Variants in ITGAM observed in about 807,000 individuals in gnomAD.
ITGAM encodes the protein integrin subunit alpha M, also known as integrin alpha-M.
A neutral mutation model predicts 137.5 loss-of-function variants in ITGAM; 79 were observed. The ratio of observed to expected loss-of-function variants is 0.57; its 90% CI spans 0.48 to 0.69. The LOEUF (loss-of-function observed/expected upper bound fraction) is 0.69. Among genes scored for constraint, ITGAM ranks in the 30% least tolerant of loss-of-function variants. ITGAM has a pLI of 0.00. For missense variants in ITGAM, 1,343 were observed against 1,483.5 expected (o/e 0.91, Z 1.56); for synonymous variants, 583 against 592.3 (o/e 0.98, Z 0.23).
rs776139284 is a variant in ITGAM, at chr16:31,330,158, C to T, written c.3054C>T (p.Pro1018=). Residue 1018 remains proline, a synonymous_variant, in exon 26 of 30, where the codon CCC becomes CCT. Coordinates refer to ENST00000544665, the MANE Select transcript of ITGAM (RefSeq NM_000632.4). ...TTCTGGCTGAGCTTCGGAAGGCCCC[C>T]GTGGTGGTGAGAAGCTAAGTCAGCC... ...SDFLAELRKA[P]VVNCSIAVCQ... is the part of the protein sequence containing the mutation. The T allele has an allele frequency of 1.9e-6, 3 of 1,613,046 alleles. No homozygotes were observed. Among genetic ancestry groups the T allele is most frequent in the African/African-American group, 1.3e-5 (1 of 75,032 alleles).
At position 31,330,123 on chromosome 16, in the gene ITGAM, C is replaced by G. The variant is rs1177198290; in HGVS notation, c.3019C>G (p.His1007Asp). 1 of 1,613,742 alleles carries G rather than the reference C, an allele frequency of 6.2e-7. No homozygotes were observed. Among genetic ancestry groups the G allele is most frequent in the African/African-American group, 1.3e-5 (1 of 74,920 alleles). ...TCHTKERLPSHSDFLAELRKA... is the reference protein window; with the variant it reads ...TCHTKERLPSDSDFLAELRKA... ...CCACACCAAGGAGCGCTTGCCCTCT[C>G]ACTCCGACTTTCTGGCTGAGCTTCG... Residue 1007 changes from histidine (H) to aspartate (D), a missense_variant, in exon 26 of 30, where the codon CAC becomes GAC. Coordinates refer to ENST00000544665, the MANE Select transcript of ITGAM (RefSeq NM_000632.4).
At chr16:31,302,484 T>TTTCTTTCTTTCTTTC (rs374736924) in intron 14 of ITGAM, among the ~76,000 whole-genome samples, 3 of 98,362 alleles carry the variant, frequency 3.0e-5, no homozygotes, top group Non-Finnish European at 5.7e-5. Flanking sequence ...TCTTTCTTTC[T>TTTCTTTCTTTCTTTC]TTTTTCTTTC....
rs1567283955 is a variant in ITGAM, at chr16:31,330,493, C to G, written c.3175-11C>G. The G allele has an allele frequency of 1.2e-6, 2 of 1,613,616 alleles. No homozygotes were observed. The highest frequency in any genetic ancestry group is 1.1e-5 in the South Asian group (1 of 91,072). On this transcript the variant is annotated splice_polypyrimidine_tract_variant and intron_variant, in intron 27 of 29. Transcript: ENST00000544665. Reference sequence around the variant, plus strand: ...GGCCCAGGTGCAGTGCCCACCCGCTCTCTTCCACAGACCTCGCATAACCAC... The same window carrying G: ...GGCCCAGGTGCAGTGCCCACCCGCTGTCTTCCACAGACCTCGCATAACCAC...
rs2080491983 is a variant in ITGAM at position 31,325,020 on chromosome 16, C to T, written c.2352C>T (p.Phe784=). 6.2e-7 allele frequency: 1 copy of T among 1,611,942 alleles called. No homozygotes were observed. Among genetic ancestry groups the T allele is most frequent in the Admixed American group, 1.7e-5 (1 of 59,842 alleles). The change falls in exon 19 of 30, where the codon TTC becomes TTT. Residue 784 remains phenylalanine, a synonymous_variant. Coordinates refer to ENST00000544665, the MANE Select transcript of ITGAM (RefSeq NM_000632.4). ...NICQDDLSIT[F]SFMSLDCLVV... is the part of the protein sequence containing the mutation. ...GCCAGGATGACCTCAGCATCACCTT[C>T]AGTTTCATGAGGTGAGTTTCCTTTC...
At chr16:31,270,057 G>A (rs2079811400) in intron 5 of ITGAM, among the ~76,000 whole-genome samples, 1 of 150,600 alleles carries the variant, frequency 6.6e-6, no homozygotes, top group Admixed American at 6.6e-5. Flanking sequence ...TTATATGTGT[G>A]TGCCCTTCCC....
chr16:31,268,948 A>G (rs1190596648), intron 5 of ITGAM, among the ~76,000 whole-genome samples: 4 of 152,170 alleles, frequency 2.6e-5, no homozygotes, highest in Admixed American at 2.6e-4. Context: ...ATTCATCAAG[A>G]CAGCAGAATT....
chr16:31,262,037 G>A (rs1283562837), intron 2 of ITGAM, among the ~76,000 whole-genome samples: 2 of 151,898 alleles, frequency 1.3e-5, no homozygotes, highest in African/African-American at 2.4e-5. Flanking sequence ...CTCACAAATG[G>A]TTTCCTGGGT....
At chr16:31,319,491 C>A (rs2080425661) in intron 14 of ITGAM, among the ~76,000 whole-genome samples, 1 of 152,094 alleles carries the variant, frequency 6.6e-6, no homozygotes, top group African/African-American at 2.4e-5. Context: ...ATCCTGCTCT[C>A]TTTTGGTTAC....
rs770683339 is a variant in ITGAM at position 31,330,392 on chromosome 16, G to A, written c.3145G>A (p.Gly1049Ser). 1.8e-5 allele frequency: 29 copies of A among 1,613,690 alleles called. 2 individuals are homozygous for A. The South Asian group carries it at 3.2e-4, about 18-fold the overall frequency. ...IQEEFNATLK[G>S]NLSFDWYIKT... ...GGAAGAATTCAATGCTACCCTCAAA[G>A]GCAACCTCTCGTTTGACTGGTACAT... Residue 1049 changes from glycine to serine, a missense_variant, in exon 27 of 30, where the codon GGC becomes AGC. Coordinates refer to ENST00000544665, the MANE Select transcript of ITGAM (RefSeq NM_000632.4).
chr16:31,264,533 C>G (rs976386143), intron 2 of ITGAM, among the ~76,000 whole-genome samples: 2 of 151,896 alleles, frequency 1.3e-5, no homozygotes, highest in South Asian at 4.1e-4. Flanking sequence ...AATTCTAACA[C>G]TTTGGGAGAC....
At position 31,324,801 on chromosome 16, in the gene ITGAM, T is replaced by C. The variant is rs572469753; in HGVS notation, c.2289+19T>C. ...AGCCTTGGTGAGTCCAGAGTTGGGG[T>C]CCTGCAGGGGTGTGGAAGAGACCAG... On this transcript the variant is annotated intron_variant, in intron 18 of 29. Transcript: ENST00000544665. The surrounding 1 kb of genome is among the most constrained non-coding windows in gnomAD (Gnocchi z 4.5). The C allele has an allele frequency of 6.5e-7, 1 of 1,549,504 alleles. No homozygotes were observed. Among genetic ancestry groups the C allele is most frequent in the East Asian group, 2.2e-5 (1 of 44,478 alleles).
At chr16:31,290,869 T>C (rs1175448923) in intron 12 of ITGAM, among the ~76,000 whole-genome samples, 4 of 152,138 alleles carry the variant, frequency 2.6e-5, no homozygotes, top group Admixed American at 2.6e-4. Flanking sequence ...ATAGGTTTTT[T>C]CAGTAAGTTC....
chr16:31,276,255 G>A (rs550814786), intron 9 of ITGAM, among the ~76,000 whole-genome samples: 3 of 152,104 alleles, frequency 2.0e-5, no homozygotes, highest in Admixed American at 6.6e-5. Context: ...AGATCCTGTC[G>A]GAGTCTCCTT....
At chr16:31,271,773 C>A in intron 6 of ITGAM, 74 bp from the exon 7 acceptor site, 2 of 1,567,258 alleles carry the variant, frequency 1.3e-6, no homozygotes, top group South Asian at 2.3e-5. Flanking sequence ...TTAAGATCTT[C>A]GTGGAGCTTG....
At chr16:31,265,728 C>A (rs1213002031) in intron 3 of ITGAM, 83 bp from the exon 4 acceptor site, 2 of 1,198,656 alleles carry the variant, frequency 1.7e-6, no homozygotes, top group Non-Finnish European at 1.2e-6. Context: ...TTGTCTCCCG[C>A]ATGGAGGTGA....
At position 31,276,584 on chromosome 16, in the gene ITGAM, A is replaced by T. The variant is rs1252890154; in HGVS notation, c.1010-87A>T. 4 of 892,526 alleles carry T rather than the reference A, an allele frequency of 4.5e-6. No individual in the cohort carries two copies. In the East Asian group the frequency reaches 1.1e-4, roughly 24 times the overall value. 55.3% of individuals were successfully genotyped at this position (892,526 alleles called of 1,614,324 possible). ...TGACCTCAAGTGATCTGCCCATCTCAGGCTCTCAAAATGTTGGGATTACAG... is the reference window on the plus strand; with the variant it reads ...TGACCTCAAGTGATCTGCCCATCTCTGGCTCTCAAAATGTTGGGATTACAG... On this transcript the variant is annotated intron_variant, in intron 9 of 29. Transcript: ENST00000544665.
intron 21 of ITGAM, among the ~76,000 whole-genome samples, chr16:31,326,568 C>A (rs1315834497): frequency 1.3e-5 from 2 of 152,096 alleles, no homozygotes; most frequent in African/African-American, 2.4e-5. Flanking sequence ...ATGCGCCCGC[C>A]ACCACACCCA....
chr16:31,270,124 TCCTTCC>T (rs1229882788), intron 5 of ITGAM, among the ~76,000 whole-genome samples: 3 of 150,572 alleles, frequency 2.0e-5, no homozygotes, highest in Non-Finnish European at 4.4e-5. Flanking sequence ...CTTCCTTCCT[TCCTTCC>T]TCCTTTGCTT....
chr16:31,324,673 G>GC lies in ITGAM; in HGVS notation c.2184dup (p.Ile729HisfsTer39). On this transcript the variant is annotated frameshift_variant, in exon 18 of 30. Coordinates refer to ENST00000544665, the MANE Select transcript of ITGAM (RefSeq NM_000632.4). LOFTEE classifies it high-confidence loss of function. This position sits in a 1 kb window ranked among gnomAD's most constrained non-coding sequence, Gnocchi z 4.5. ...TAGAATTGCATCGAGGACCCAGTGA[G>GC]CCCCATTGTGCTGCGCCTGAACTTC... 6.2e-7 allele frequency: 1 copy of GC among 1,601,372 alleles called. No homozygotes were observed. The highest frequency in any genetic ancestry group is 1.1e-5 in the South Asian group (1 of 89,356).
Sources: allele counts gnomAD v4.1 joint callset (sites outside exome capture counted in the v4.1 genomes callset), GRCh38; gene constraint gnomAD v4.1.1; non-coding constraint Gnocchi (gnomAD v3.1); transcripts MANE v1.5; gene names NCBI Gene and HGNC (gene_info 2026-07-23, HGNC 2026-07-21).